Variants in DMD observed in about 807,000 individuals in gnomAD.
The protein encoded by DMD is mutant dystrophin.
A neutral mutation model predicts 330.1 loss-of-function variants in DMD; 63 were observed. The observed-to-expected ratio is 0.19, with a 90% CI of 0.16 to 0.24. The LOEUF is 0.24. Ranked by LOEUF, DMD falls within the 10% of genes least tolerant of loss-of-function variation. The probability of loss-of-function intolerance (pLI) is 1.00; values close to 1 mark genes in which losing one functional copy is unlikely to be tolerated. For synonymous variants in DMD, 1,223 were observed against 959.8 expected (o/e 1.27, Z -5.07); for missense variants, 3,344 against 2,684.1 (o/e 1.25, Z -5.43).
intron 60 of DMD, among the ~76,000 whole-genome samples, chrX:31,422,108 C>T (rs2063478195): frequency 9.7e-6 from 1 of 103,574 alleles, no homozygotes; most frequent in Admixed American, 1.1e-4. Flanking sequence ...CGGGTTCAAG[C>T]AATTCTCCCA....
intron 44 of DMD, among the ~76,000 whole-genome samples, chrX:32,145,365 T>C (rs1442065489): frequency 4.5e-5 from 5 of 112,102 alleles, no homozygotes; most frequent in African/African-American, 1.3e-4. Flanking sequence ...ATAATATGCC[T>C]GGGTGTGCCT....
chrX:32,606,736 TATATATAC>T (rs58010309), intron 12 of DMD, among the ~76,000 whole-genome samples: 23,443 of 93,960 alleles, frequency 0.25, 2,043 homozygotes, highest in South Asian at 0.5. Flanking sequence ...TATATATATA[TATATATAC>T]ACACACACAT....
intron 33 of DMD, among the ~76,000 whole-genome samples, chrX:32,383,157 A>G (rs1057315313): frequency 2.7e-5 from 3 of 110,907 alleles, no homozygotes; most frequent in Non-Finnish European, 5.7e-5. Context: ...ACTCATCACC[A>G]TGTAAGAATA....
At chrX:31,998,021 G>C (rs1350038445) in intron 44 of DMD, among the ~76,000 whole-genome samples, 2 of 111,484 alleles carry the variant, frequency 1.8e-5, no homozygotes, top group African/African-American at 6.5e-5. Context: ...GCATGGCTGG[G>C]TCTGAAGTGA....
At chrX:32,810,914 T>C (rs1378125529) in intron 6 of DMD, among the ~76,000 whole-genome samples, 1 of 111,577 alleles carries the variant, frequency 9.0e-6, no homozygotes. Context: ...GATCCATAGT[T>C]TCCTGCACTT....
chrX:31,967,738 G>A (rs927317098), intron 45 of DMD, among the ~76,000 whole-genome samples: 4 of 111,597 alleles, frequency 3.6e-5, no homozygotes, highest in Non-Finnish European at 7.5e-5. Context: ...TCCAACTGCA[G>A]CAGCACGCAT....
intron 13 of DMD, among the ~76,000 whole-genome samples, chrX:32,593,760 A>G (rs2055202379): frequency 8.9e-6 from 1 of 112,574 alleles, no homozygotes; most frequent in Non-Finnish European, 1.9e-5. Flanking sequence ...AAAACTGAAG[A>G]CTATATAAAT....
At chrX:32,627,460 C>G (rs1445248030) in intron 11 of DMD, among the ~76,000 whole-genome samples, 2 of 96,422 alleles carry the variant, frequency 2.1e-5, no homozygotes, top group Non-Finnish European at 3.8e-5. Context: ...TTTTTAAATA[C>G]AAAATAATAA....
intron 9 of DMD, among the ~76,000 whole-genome samples, chrX:32,648,847 G>C (rs2059945033): frequency 1.8e-5 from 2 of 111,739 alleles, no homozygotes; most frequent in Admixed American, 9.5e-5. Context: ...CCTAAGATTG[G>C]AGATCACTTC....
At chrX:32,874,784 C>T (rs1326938540) in intron 2 of DMD, among the ~76,000 whole-genome samples, 4 of 111,483 alleles carry the variant, frequency 3.6e-5, no homozygotes, top group Non-Finnish European at 5.6e-5. Flanking sequence ...TCTGGGAGCC[C>T]TAAGATGCCA....
At chrX:31,491,197 C>T (rs1005436847) in intron 57 of DMD, among the ~76,000 whole-genome samples, 24 of 112,132 alleles carry the variant, frequency 2.1e-4, no homozygotes, top group African/African-American at 7.8e-4. Context: ...ATTACCTACA[C>T]TGTTGTTACA....
At chrX:31,171,866 A>G (rs2040034545) in intron 73 of DMD, among the ~76,000 whole-genome samples, 1 of 111,822 alleles carries the variant, frequency 8.9e-6, no homozygotes, top group African/African-American at 3.2e-5. Context: ...TGAAGATGCT[A>G]AATCACAAAA....
intron 55 of DMD, among the ~76,000 whole-genome samples, chrX:31,530,296 AT>A (rs771748966): frequency 6.1e-4 from 69 of 112,261 alleles, no homozygotes; most frequent in African/African-American, 2.1e-3. Flanking sequence ...CCTAAAATCC[AT>A]AATCAGAGAA....
rs1024607873 is a variant in DMD at position 33,329,564 on chromosome X, C to G, written c.7+9695G>C. Among the ~76,000 whole-genome samples, 3 of 111,916 alleles carry G rather than the reference C, an allele frequency of 2.7e-5. No homozygotes were observed. The Admixed American group carries it at 2.9e-4, about 11-fold the overall frequency. ...TATAGGACATTTATATGATGGCATACTACACAACACTGAAAATTATGGGAC... is the reference window on the plus strand; with the variant it reads ...TATAGGACATTTATATGATGGCATAGTACACAACACTGAAAATTATGGGAC... On this transcript the variant is annotated intron_variant, in intron 1 of 17. Coordinates refer to the DMD transcript ENST00000288447.
At chrX:31,922,030 T>C (rs112512902) in intron 47 of DMD, among the ~76,000 whole-genome samples, 3 of 111,840 alleles carry the variant, frequency 2.7e-5, no homozygotes, top group African/African-American at 9.7e-5. Context: ...GTTGGTTGCG[T>C]TGGGTCTCAG....
chrX:31,720,340 C>T (rs1338101736), intron 52 of DMD, among the ~76,000 whole-genome samples: 1 of 111,787 alleles, frequency 8.9e-6, no homozygotes, highest in African/African-American at 3.2e-5. Flanking sequence ...AGGAACAGTC[C>T]ATGGCACGTG....
At chrX:32,994,333 TAAA>T (rs58119279) in intron 2 of DMD, among the ~76,000 whole-genome samples, 8 of 93,334 alleles carry the variant, frequency 8.6e-5, no homozygotes, top group African/African-American at 2.5e-4. Context: ...GCCCCCAATT[TAAA>T]AAAAAAAAAA....
chrX:31,310,047 G>T (rs2055349854), intron 62 of DMD, among the ~76,000 whole-genome samples: 1 of 110,569 alleles, frequency 9.0e-6, no homozygotes, highest in Non-Finnish European at 1.9e-5. Flanking sequence ...AAACAAGAAG[G>T]TCTGGGAGGT....
intron 2 of DMD, among the ~76,000 whole-genome samples, chrX:32,941,681 T>A (rs2090431434): frequency 9.1e-6 from 1 of 110,451 alleles, no homozygotes; most frequent in Admixed American, 9.7e-5. Context: ...GGATAAGGGT[T>A]GAAAAACTGA....
Sources: allele counts gnomAD v4.1 joint callset (sites outside exome capture counted in the v4.1 genomes callset), GRCh38; gene constraint gnomAD v4.1.1; transcripts MANE v1.5; gene names NCBI Gene and HGNC (gene_info 2026-07-23, HGNC 2026-07-21).